The following SDK1 variants were observed in gnomAD, a reference collection of about 807,000 sequenced individuals.
SDK1 encodes sidekick cell adhesion molecule 1.
SDK1 carries 157 observed loss-of-function variants against 245.5 expected under a neutral mutation model. The observed-to-expected ratio is 0.64, with a 90% CI of 0.56 to 0.73. The LOEUF (loss-of-function observed/expected upper bound fraction) is 0.73, where lower values mean the gene tolerates loss of function less well. Among genes scored for constraint, SDK1 ranks in the 30% least tolerant of loss-of-function variants. The probability of loss-of-function intolerance (pLI) is 0.00; values close to 1 mark genes in which losing one functional copy is unlikely to be tolerated. For synonymous variants in SDK1, 1,647 were observed against 1,278.5 expected (o/e 1.29, Z -6.15); for missense variants, 3,583 against 3,002.3 (o/e 1.19, Z -4.52).
chr7:3,504,497 G>C (rs1056115240), intron 1 of SDK1, among the ~76,000 whole-genome samples: 1 of 152,040 alleles, frequency 6.6e-6, no homozygotes, highest in South Asian at 2.1e-4. Flanking sequence ...TGAGAATCTA[G>C]AAATCTTTAC....
intron 5 of SDK1, among the ~76,000 whole-genome samples, chr7:3,845,324 T>C (rs973073566): frequency 6.6e-6 from 1 of 151,858 alleles, no homozygotes; most frequent in Non-Finnish European, 1.5e-5. Flanking sequence ...ACCCTGTCTC[T>C]ACTAAAAATA....
At chr7:3,430,141 C>G (rs1779796022) in intron 1 of SDK1, among the ~76,000 whole-genome samples, 1 of 152,192 alleles carries the variant, frequency 6.6e-6, no homozygotes, top group Admixed American at 6.5e-5. Flanking sequence ...TACATCTGTG[C>G]AAGAATGGCA....
intron 4 of SDK1, among the ~76,000 whole-genome samples, chr7:3,820,272 C>T (rs1030645767): frequency 2.0e-5 from 3 of 152,216 alleles, no homozygotes; most frequent in Non-Finnish European, 4.4e-5. Flanking sequence ...GCCTCGGCCT[C>T]TGTAGTAGCT....
intron 4 of SDK1, among the ~76,000 whole-genome samples, chr7:3,735,860 C>T (rs79093450): frequency 0.12 from 18,982 of 152,090 alleles, 1,727 homozygotes; most frequent in African/African-American, 0.25. Context: ...TATTTATTTT[C>T]TAAATAATGG....
intron 16 of SDK1, among the ~76,000 whole-genome samples, chr7:4,015,008 A>C (rs574464031): frequency 6.6e-6 from 1 of 152,220 alleles, no homozygotes; most frequent in African/African-American, 2.4e-5. Context: ...ATGCAGGTGT[A>C]GTTCCTTATA....
intron 5 of SDK1, among the ~76,000 whole-genome samples, chr7:3,892,712 G>A (rs1781491055): frequency 1.3e-5 from 2 of 152,166 alleles, no homozygotes; most frequent in African/African-American, 4.8e-5. Flanking sequence ...GTGTGACAAT[G>A]AACCCTGAGA....
At chr7:3,721,344 A>G (rs1778791504) in intron 4 of SDK1, among the ~76,000 whole-genome samples, 1 of 152,162 alleles carries the variant, frequency 6.6e-6, no homozygotes, top group African/African-American at 2.4e-5. Context: ...GGTAAACTGT[A>G]GTTACTCAGC....
chr7:3,427,862 C>A (rs756217461), intron 1 of SDK1, among the ~76,000 whole-genome samples: 4 of 113,908 alleles, frequency 3.5e-5, no homozygotes, highest in Non-Finnish European at 7.0e-5. Context: ...TCTTAGATGT[C>A]GTTAGTGTCT....
chr7:3,616,628 T>G lies in SDK1; in HGVS notation c.299-2452T>G, dbSNP rs563274797. ...TAGATGCAATTTAATATTTATTTATTTGAATGAATAAATGAATAAATACTT... is the reference window on the plus strand; with the variant it reads ...TAGATGCAATTTAATATTTATTTATGTGAATGAATAAATGAATAAATACTT... On this transcript the variant is annotated intron_variant, in intron 1 of 44. Transcript: ENST00000404826. Among the ~76,000 whole-genome samples, 79 of 152,380 alleles carry G rather than the reference T, an allele frequency of 5.2e-4. 1 individual carries two copies. The highest frequency in any genetic ancestry group is 1.9e-3 in the African/African-American group (78 of 41,594).
chr7:3,390,501 C>T (rs1222763965), intron 1 of SDK1, among the ~76,000 whole-genome samples: 2 of 152,098 alleles, frequency 1.3e-5, no homozygotes, highest in Admixed American at 1.3e-4. Context: ...AAGTTATTTT[C>T]ACCTATGAAT....
intron 44 of SDK1, among the ~76,000 whole-genome samples, chr7:4,248,612 G>T (rs919212596): frequency 1.3e-5 from 2 of 150,384 alleles, no homozygotes; most frequent in Non-Finnish European, 3.0e-5. Flanking sequence ...ACACAAACAT[G>T]CACATACCTA....
chr7:4,146,063 T>C (rs1385794808), intron 29 of SDK1, 147 bp downstream of exon 29: 7 of 667,376 alleles, frequency 1.0e-5, no homozygotes, highest in South Asian at 2.0e-5. Flanking sequence ...AAAGCACCCA[T>C]TGCACCTGAC....
chr7:3,590,210 T>C (rs1263156805), intron 1 of SDK1, among the ~76,000 whole-genome samples: 3 of 152,180 alleles, frequency 2.0e-5, no homozygotes, highest in Non-Finnish European at 4.4e-5. Context: ...TCTTCAGTTT[T>C]CTGTTACGGA....
chr7:4,139,337 A>G lies in SDK1; in HGVS notation c.4229-6385A>G, dbSNP rs142070918. 1.1e-4 allele frequency among the ~76,000 whole-genome samples: 16 copies of G among 151,934 alleles called. No individual in the cohort carries two copies. The East Asian group carries it at 2.7e-3, about 26-fold the overall frequency. On this transcript the variant is annotated intron_variant, in intron 28 of 44. Coordinates refer to ENST00000404826, the MANE Select transcript of SDK1 (RefSeq NM_152744.4). ...TGGGTGGCTTTTATACAAAAGAAGCATCTATCTATCTGTATGTATAAACAA... is the reference window on the plus strand; with the variant it reads ...TGGGTGGCTTTTATACAAAAGAAGCGTCTATCTATCTGTATGTATAAACAA...
intron 5 of SDK1, among the ~76,000 whole-genome samples, chr7:3,920,754 AGG>A (rs1380680195): frequency 0.059 from 8,939 of 152,156 alleles, 871 homozygotes; most frequent in African/African-American, 0.21. Flanking sequence ...GACTATGCAG[AGG>A]GGGAGCAGTG....
At chr7:3,592,843 A>C (rs1414990678) in intron 1 of SDK1, among the ~76,000 whole-genome samples, 1 of 152,204 alleles carries the variant, frequency 6.6e-6, no homozygotes, top group Non-Finnish European at 1.5e-5. Context: ...TTGTGTTTTG[A>C]AACACTGATG....
intron 5 of SDK1, 29 bp downstream of exon 5, chr7:3,821,612 C>G: frequency 6.2e-7 from 1 of 1,607,324 alleles, no homozygotes; most frequent in Non-Finnish European, 8.5e-7. Flanking sequence ...AATGGTAATT[C>G]TGCAAGCAAT....
At chr7:3,450,435 T>C (rs527917634) in intron 1 of SDK1, among the ~76,000 whole-genome samples, 1 of 152,274 alleles carries the variant, frequency 6.6e-6, no homozygotes, top group Admixed American at 6.5e-5. Context: ...TTGGGGCAGA[T>C]AATAAAGTGG....
rs1328535451 is a variant in SDK1, at chr7:4,265,180, C to T, written c.6438C>T (p.Tyr2146=). ...ALPKHSFVNH[Y]MSDPTYYNSW... is the part of the protein sequence containing the mutation. The stretch of plus-strand genomic sequence containing the variant: ...CCAAGCACTCCTTCGTGAACCACTA[C>T]ATGAGCGACCCCACCTACTACAACT... The change falls in exon 45 of 45, where the codon TAC becomes TAT. Residue 2146 remains tyrosine (Y), a synonymous_variant. Coordinates refer to ENST00000404826, the MANE Select transcript of SDK1 (RefSeq NM_152744.4). 1 of 1,612,364 alleles carries T rather than the reference C, an allele frequency of 6.2e-7. No individual in the cohort carries two copies. The highest frequency in any genetic ancestry group is 8.5e-7 in the Non-Finnish European group (1 of 1,179,668).
Sources: allele counts gnomAD v4.1 joint callset (sites outside exome capture counted in the v4.1 genomes callset), GRCh38; gene constraint gnomAD v4.1.1; transcripts MANE v1.5; gene names NCBI Gene and HGNC (gene_info 2026-07-23, HGNC 2026-07-21).